The following GSG1L variants were observed in gnomAD, a reference collection of about 807,000 sequenced individuals.
GSG1L encodes GSG1 like.
A neutral mutation model predicts 42.1 loss-of-function variants in GSG1L; 24 were observed. The ratio of observed to expected loss-of-function variants is 0.57; its 90% confidence interval spans 0.41 to 0.80. The LOEUF is 0.80. Ranked by LOEUF, GSG1L falls within the 30% of genes least tolerant of loss-of-function variation. GSG1L has a pLI of 0.00. For synonymous variants in GSG1L, 215 were observed against 203.5 expected (o/e 1.06, Z -0.48); for missense variants, 445 against 472.2 (o/e 0.94, Z 0.53).
chr16:27,859,089 G>A (rs1399699611), intron 3 of GSG1L, among the ~76,000 whole-genome samples: 1 of 152,006 alleles, frequency 6.6e-6, no homozygotes, highest in Non-Finnish European at 1.5e-5. Flanking sequence ...TGGGACTGTT[G>A]CTATGAGGAG....
chr16:27,795,725 G>T (rs535027910), intron 6 of GSG1L, among the ~76,000 whole-genome samples: 3 of 152,174 alleles, frequency 2.0e-5, no homozygotes, highest in Admixed American at 6.5e-5. Flanking sequence ...ACCTCCCAAG[G>T]TTAGCAGAGT....
intron 5 of GSG1L, among the ~76,000 whole-genome samples, chr16:27,813,268 G>A (rs565184002): frequency 8.1e-4 from 105 of 129,582 alleles, no homozygotes; most frequent in Non-Finnish European, 1.6e-3. Context: ...AGTAGGTCCT[G>A]GTGTCTGTTG....
Position 27,928,667 on chromosome 16 carries a change from AG to A in GSG1L, c.397+34488del, listed in dbSNP as rs539969591. Among the ~76,000 whole-genome samples, 559 of 152,286 alleles carry A rather than the reference AG, an allele frequency of 3.7e-3. 3 individuals carry two copies. Among genetic ancestry groups the A allele is most frequent in the African/African-American group, 0.013 (532 of 41,552 alleles). ...GGTGGGTGGTGACATTCGGCAGGTG[AG>A]GGACTAGGTTAGAAAGTCGCCAAGC... On this transcript the variant is annotated intron_variant, in intron 2 of 6. Transcript: ENST00000447459.
chr16:28,035,004 C>A (rs944764447), intron 1 of GSG1L, among the ~76,000 whole-genome samples: 3 of 152,112 alleles, frequency 2.0e-5, no homozygotes, highest in Non-Finnish European at 2.9e-5. Context: ...TCACTAATTG[C>A]AGCTGTGTTT....
At chr16:27,887,417 C>G (rs1479383624) in intron 2 of GSG1L, among the ~76,000 whole-genome samples, 1 of 152,180 alleles carries the variant, frequency 6.6e-6, no homozygotes. Context: ...TTGTTTGAGC[C>G]CCTAGATCCA....
chr16:27,834,781 C>A (rs1160306697), intron 4 of GSG1L, among the ~76,000 whole-genome samples: 1 of 152,116 alleles, frequency 6.6e-6, no homozygotes, highest in Non-Finnish European at 1.5e-5. Flanking sequence ...TGTTTCATTC[C>A]TGAATTGGCA....
At chr16:27,980,893 C>A (rs1333552866) in intron 1 of GSG1L, among the ~76,000 whole-genome samples, 17 of 82,330 alleles carry the variant, frequency 2.1e-4, no homozygotes, top group Non-Finnish European at 2.5e-4. Flanking sequence ...AAACCAAAAA[C>A]CAAAAAACAA....
rs116423096 is a variant in GSG1L, at chr16:27,994,917, T to C, written c.350-31714A>G. On this transcript the variant is annotated intron_variant, in intron 1 of 6. Coordinates refer to ENST00000447459, the MANE Select transcript of GSG1L (RefSeq NM_001109763.2). Reference sequence around the variant, plus strand: ...GTGCAGTGCACAGCCTGTGCAGCTGTACACAGCTGCCATGGATATTTTTAG... The same window carrying C: ...GTGCAGTGCACAGCCTGTGCAGCTGCACACAGCTGCCATGGATATTTTTAG... Among the ~76,000 whole-genome samples, 393 of 152,316 alleles carry C rather than the reference T, an allele frequency of 2.6e-3. 3 individuals are homozygous for C. The highest frequency in any genetic ancestry group is 9.3e-3 in the African/African-American group (385 of 41,576).
intron 1 of GSG1L, among the ~76,000 whole-genome samples, chr16:27,994,455 T>C (rs973624114): frequency 1.3e-5 from 2 of 152,196 alleles, no homozygotes; most frequent in Admixed American, 6.5e-5. Context: ...CTCTAACTCT[T>C]GCTGATAATA....
chr16:27,859,129 G>T (rs1225523339), intron 3 of GSG1L, among the ~76,000 whole-genome samples: 2 of 152,144 alleles, frequency 1.3e-5, no homozygotes, highest in Non-Finnish European at 2.9e-5. Context: ...TGTGGGAGGG[G>T]TAGGAGTGAC....
rs1023477835 is a variant in GSG1L at position 28,002,723 on chromosome 16, G to A, written c.350-39520C>T. Among the ~76,000 whole-genome samples, 4 of 151,636 alleles carry A rather than the reference G, an allele frequency of 2.6e-5. No individual in the cohort carries two copies. In the East Asian group the frequency reaches 7.8e-4, roughly 30 times the overall value. On this transcript the variant is annotated intron_variant, in intron 1 of 6. Transcript: ENST00000447459. ...AGGCGGGAGGACCAGAAGGTCAGGA[G>A]ATCAAGACCATCCTGGCTAACACGG...
In GSG1L at chr16:27,891,824, G is replaced by GTGT. The variant is rs541142995; in HGVS notation, c.398-7189_398-7187dup. Among the ~76,000 whole-genome samples, 16 of 145,462 alleles carry GTGT rather than the reference G, an allele frequency of 1.1e-4. 1 individual carries two copies. The South Asian group carries it at 3.5e-3, about 32-fold the overall frequency. The stretch of plus-strand genomic sequence containing the variant: ...CTCTGTAAGGAGTTCTTTCATTCAA[G>GTGT]TGTCTTCACTTGAACTATTTGGGGG... On this transcript the variant is annotated intron_variant, in intron 2 of 6. Coordinates refer to ENST00000447459, the MANE Select transcript of GSG1L (RefSeq NM_001109763.2).
chr16:28,010,266 A>G (rs1207463175), intron 1 of GSG1L, among the ~76,000 whole-genome samples: 112 of 152,198 alleles, frequency 7.4e-4, no homozygotes, highest in Non-Finnish European at 8.8e-5. Context: ...AAACCCAAGA[A>G]GGGGCAGCAT....
intron 3 of GSG1L, among the ~76,000 whole-genome samples, chr16:27,873,844 T>C (rs2083853060): frequency 6.6e-6 from 1 of 152,166 alleles, no homozygotes; most frequent in Non-Finnish European, 1.5e-5. Context: ...GTGAAATGGA[T>C]GGCTACAGAG....
intron 2 of GSG1L, among the ~76,000 whole-genome samples, chr16:27,905,356 A>G (rs1039341305): frequency 8.5e-5 from 12 of 141,422 alleles, no homozygotes; most frequent in Middle Eastern, 3.7e-3. Flanking sequence ...ACAGGGTCTC[A>G]CTTTGTTGCC....
At chr16:27,838,287 A>G (rs905233006) in intron 4 of GSG1L, among the ~76,000 whole-genome samples, 1 of 152,198 alleles carries the variant, frequency 6.6e-6, no homozygotes, top group Non-Finnish European at 1.5e-5. Context: ...ATATGAAAAC[A>G]CTGCTCTGGT....
chr16:28,009,155 T>C (rs376797686), intron 1 of GSG1L, among the ~76,000 whole-genome samples: 1 of 152,144 alleles, frequency 6.6e-6, no homozygotes, highest in East Asian at 1.9e-4. Flanking sequence ...AGGTGCCCCA[T>C]ATGAGATGCC....
chr16:28,027,641 GAAA>G (rs1471853145), intron 1 of GSG1L, among the ~76,000 whole-genome samples: 1 of 152,150 alleles, frequency 6.6e-6, no homozygotes, highest in Non-Finnish European at 1.5e-5. Flanking sequence ...GTGTTCAGGT[GAAA>G]CTGACACCAC....
Position 28,036,792 on chromosome 16 carries a change from G to T in GSG1L, c.349+26284C>A, listed in dbSNP as rs150312502. Among the ~76,000 whole-genome samples the T allele has an allele frequency of 6.7e-4, 102 of 152,220 alleles. No homozygotes were observed. The East Asian group carries it at 9.7e-3, about 14-fold the overall frequency. On this transcript the variant is annotated intron_variant, in intron 1 of 6. Coordinates refer to ENST00000447459, the MANE Select transcript of GSG1L (RefSeq NM_001109763.2). ...TCTGGGGTCACGTAGGAGAAATCAG[G>T]ACGCTTTTCCCTACAGACGTCCTGA...
Sources: gnomAD v4.1 joint callset for allele counts (sites outside exome capture counted in the v4.1 genomes callset) on GRCh38, gnomAD v4.1.1 for gene constraint, MANE v1.5 for transcripts, NCBI Gene and HGNC (gene_info 2026-07-23, HGNC 2026-07-21) for gene names.